EIF4A2: variants seen among roughly 807,000 people sequenced by gnomAD.
EIF4A2 encodes the protein eukaryotic initiation factor 4A-II.
In EIF4A2, 9 loss-of-function variants were observed where a neutral mutation model predicts 50.6. The ratio of observed to expected loss-of-function variants is 0.18; its 90% CI spans 0.11 to 0.31. The LOEUF is 0.31. EIF4A2 is among the 10% of genes least tolerant of loss of function. EIF4A2 has a pLI of 1.00. For missense variants in EIF4A2, 182 were observed against 501.8 expected, an observed-to-expected ratio of 0.36 and a Z score of 6.09; for synonymous variants, 215 against 164.4, an observed-to-expected ratio of 1.31 and a Z score of -2.35.
intron 8 of EIF4A2, 33 bp from the exon 9 acceptor site, chr3:186,787,462 G>C (rs201027570): frequency 1.2e-3 from 1,945 of 1,612,114 alleles, no homozygotes; most frequent in Non-Finnish European, 1.5e-3. Context: ...GACCTGACTG[G>C]TGATTCTTGA....
chr3:186,784,228 C>T (rs144791191), intron 1 of EIF4A2: 11,943 of 681,464 alleles, frequency 0.018, 142 homozygotes, highest in Middle Eastern at 0.027. Flanking sequence ...GCCATGCGCT[C>T]GGGCCTGGGG....
In EIF4A2 at chr3:186,789,824, C is replaced by T. The variant is rs957419740; in HGVS notation, c.*555C>T. The T allele has an allele frequency of 6.3e-6, 4 of 634,580 alleles. No homozygotes were observed. The highest frequency in any genetic ancestry group is 5.5e-5 in the African/African-American group (3 of 54,604). The allele number at this position is 634,580 out of a possible 1,614,324, so 39.3% of individuals were successfully genotyped here. A position where few individuals can be genotyped will look rare whatever the true frequency, so the allele number is the denominator to read the frequency against. On this transcript the variant is annotated 3_prime_UTR_variant, in exon 11 of 11. Coordinates refer to ENST00000323963, the MANE Select transcript of EIF4A2 (RefSeq NM_001967.4). ...CAAGCAATCCTAGGTAGGGTTTAATCCCCAGTAAAATTGCCATATTGCACA... is the reference window on the plus strand; with the variant it reads ...CAAGCAATCCTAGGTAGGGTTTAATTCCCAGTAAAATTGCCATATTGCACA...
chr3:186,786,415 T>C (rs1462122668), intron 6 of EIF4A2, 87 bp from the exon 7 acceptor site: 1 of 1,556,740 alleles, frequency 6.4e-7, no homozygotes, highest in Admixed American at 1.9e-5. Context: ...CTTCATTCCG[T>C]AGTAAGACAG....
At chr3:186,786,725 T>C (rs1721737216) in intron 7 of EIF4A2, 80 bp downstream of exon 7, 2 of 1,591,486 alleles carry the variant, frequency 1.3e-6, no homozygotes, top group East Asian at 2.2e-5. Flanking sequence ...GGACCATGTC[T>C]TGGTTTTTGC....
rs769898673 is a variant in EIF4A2, at chr3:186,788,288, AAAG to A, written c.1079+408_1079+410del. On this transcript the variant is annotated intron_variant, in intron 10 of 10. Coordinates refer to ENST00000323963, the MANE Select transcript of EIF4A2 (RefSeq NM_001967.4). ...TTGTACTTTGTTATATGATGTAAAAAAAGACTTTTTAAAAAATACAGGAGTCGA... is the reference window on the plus strand; with the variant it reads ...TTGTACTTTGTTATATGATGTAAAAAACTTTTTAAAAAATACAGGAGTCGA... 2.7e-5 allele frequency: 35 copies of A among 1,292,800 alleles called. 1 individual carries two copies. Among genetic ancestry groups the A allele is most frequent in the Admixed American group, 2.1e-4 (9 of 43,636 alleles). 80.1% of individuals were successfully genotyped at this position (1,292,800 alleles called of 1,614,324 possible). A position where few individuals can be genotyped will look rare whatever the true frequency, so the allele number is the denominator to read the frequency against.
intron 10 of EIF4A2, chr3:186,788,737 A>G (rs1390800594): frequency 4.3e-6 from 1 of 232,616 alleles, no homozygotes; most frequent in African/African-American, 2.3e-5. Flanking sequence ...ACAGTTCCAG[A>G]AGTGCGTCGA....
At position 186,783,799 on chromosome 3, in the gene EIF4A2, C is replaced by T. The variant is rs531633791; in HGVS notation, c.29+160C>T. 1.7e-5 allele frequency: 20 copies of T among 1,184,876 alleles called. No individual in the cohort carries two copies. In the African/African-American group the frequency reaches 2.7e-4, roughly 16 times the overall value. The allele number at this position is 1,184,876 out of a possible 1,614,324, so 73.4% of individuals were successfully genotyped here. A position where few individuals can be genotyped will look rare whatever the true frequency, so the allele number is the denominator to read the frequency against. ...CAGAAGCTTCCATGATGGGTAGGGC[C>T]CGGATTGTGGGGAGATAGGACGGTG... On this transcript the variant is annotated intron_variant, in intron 1 of 10. Transcript: ENST00000323963.
chr3:186,788,451 TTA>T, intron 10 of EIF4A2: 1 of 1,231,556 alleles, frequency 8.1e-7, no homozygotes. Flanking sequence ...TTTGTCATGA[TTA>T]TTTGATTTTT....
rs1205571486 is a variant in EIF4A2 at position 186,785,455 on chromosome 3, GCT to G, written c.348+356_348+357del. ...ATCTGTTGCATGCTATGTTTTCAAA[GCT>G]CACTGCTATATTGGCTTTGAAGTAA... On this transcript the variant is annotated intron_variant, in intron 4 of 10. Coordinates refer to ENST00000323963, the MANE Select transcript of EIF4A2 (RefSeq NM_001967.4). 1.5e-5 allele frequency: 5 copies of G among 332,322 alleles called. No individual in the cohort carries two copies. The East Asian group carries it at 3.0e-4, about 20-fold the overall frequency. 20.6% of individuals were successfully genotyped at this position (332,322 alleles called of 1,614,324 possible).
At chr3:186,784,765 C>G in intron 3 of EIF4A2, 69 bp downstream of exon 3, 2 of 1,608,690 alleles carry the variant, frequency 1.2e-6, no homozygotes, top group Non-Finnish European at 1.7e-6. Flanking sequence ...AAAGTAACCT[C>G]TGGGGGACTA....
intron 2 of EIF4A2, 38 bp from the exon 3 acceptor site, chr3:186,784,526 A>T (rs759987412): frequency 1.4e-5 from 22 of 1,614,210 alleles, no homozygotes; most frequent in Non-Finnish European, 1.9e-5. Context: ...GAGTGTGTTC[A>T]TCTCATTTAT....
intron 10 of EIF4A2, 151 bp downstream of exon 10, chr3:186,788,033 T>G (rs560476145): frequency 1.1e-6 from 1 of 882,246 alleles, no homozygotes; most frequent in South Asian, 1.8e-5. Flanking sequence ...CTAGGGAAGG[T>G]TGATGAGAAC....
intron 1 of EIF4A2, chr3:186,783,842 A>G (rs1721514033): frequency 3.9e-6 from 3 of 771,754 alleles, no homozygotes; most frequent in African/African-American, 3.5e-5. Flanking sequence ...AGCAGTGGCT[A>G]AAGGGCGTTT....
chr3:186,788,253 A>G (rs755620309), intron 10 of EIF4A2: 33 of 1,278,680 alleles, frequency 2.6e-5, no homozygotes, highest in Non-Finnish European at 3.1e-5. Flanking sequence ...TTATCCCTAA[A>G]TAAATTGAAT....
In EIF4A2 at chr3:186,783,593, TGAGTG is replaced by T. The variant is rs1721491912; in HGVS notation, c.-16_-12del. ...CGCCGCTGTCTTTTCAGTCGGGCGC[TGAGTG>T]GTTTTTCGGATCATGTCTGGTGGCT... On this transcript the variant is annotated 5_prime_UTR_variant, in exon 1 of 11. Transcript: ENST00000323963. The T allele has an allele frequency of 6.2e-7, 1 of 1,614,106 alleles. No individual in the cohort carries two copies. The highest frequency in any genetic ancestry group is 8.5e-7 in the Non-Finnish European group (1 of 1,180,010).
rs200193389 is a variant in EIF4A2 at position 186,786,296 on chromosome 3, C to T, written c.627+23C>T. ...CAGGTAAGCATTACTTCACCCCCCT[C>T]TTAAAGGTAGAGATGGGGTTTATTT... On this transcript the variant is annotated intron_variant, in intron 6 of 10. Transcript: ENST00000323963. The T allele has an allele frequency of 5.0e-6, 8 of 1,600,734 alleles. No individual in the cohort carries two copies. The East Asian group carries it at 6.7e-5, about 13-fold the overall frequency.
rs765073688 is a variant in EIF4A2, at chr3:186,784,546, A to C, written c.76-18A>C. 2 of 1,614,050 alleles carry C rather than the reference A, an allele frequency of 1.2e-6. No individual in the cohort carries two copies. The highest frequency in any genetic ancestry group is 2.7e-5 in the African/African-American group (2 of 74,998). On this transcript the variant is annotated intron_variant, in intron 2 of 10. Coordinates refer to ENST00000323963, the MANE Select transcript of EIF4A2 (RefSeq NM_001967.4). ...TGTTCATCTCATTTATGCGTGCATT[A>C]TTTTTTCTAACTTACAGAGCAACTG... is the stretch of plus-strand genomic sequence containing the variant.
Position 186,789,335 on chromosome 3 carries a change from G to T in EIF4A2, c.*66G>T. 12 of 1,528,540 alleles carry T rather than the reference G, an allele frequency of 7.9e-6. No individual in the cohort carries two copies. Among genetic ancestry groups the T allele is most frequent in the Non-Finnish European group, 1.1e-5 (12 of 1,137,016 alleles). 94.7% of individuals were successfully genotyped at this position (1,528,540 alleles called of 1,614,324 possible). On this transcript the variant is annotated 3_prime_UTR_variant, in exon 11 of 11. Transcript: ENST00000323963. The stretch of plus-strand genomic sequence containing the variant: ...TGAATAGGCGATCACAACGTGCATT[G>T]TGCTTCTTTCTTTGGGAATATTTGA...
Position 186,789,524 on chromosome 3 carries a change from A to C in EIF4A2, c.*255A>C, listed in dbSNP as rs1367903660. 2 of 387,758 alleles carry C rather than the reference A, an allele frequency of 5.2e-6. No homozygotes were observed. Among genetic ancestry groups the C allele is most frequent in the Admixed American group, 8.6e-5 (2 of 23,298 alleles). 24.0% of individuals were successfully genotyped at this position (387,758 alleles called of 1,614,324 possible). Reference sequence around the variant, plus strand: ...GTCTGTAAAATCTTTCTTTCTTAGAAATTTATTTCCTAGTTCTGTAGAAAT... The same window carrying C: ...GTCTGTAAAATCTTTCTTTCTTAGACATTTATTTCCTAGTTCTGTAGAAAT... On this transcript the variant is annotated 3_prime_UTR_variant, in exon 11 of 11. Transcript: ENST00000323963.
Sources: allele counts gnomAD v4.1 joint callset, GRCh38; gene constraint gnomAD v4.1.1; transcripts MANE v1.5; gene names NCBI Gene and HGNC (gene_info 2026-07-23, HGNC 2026-07-21).